Variants in NFASC observed in about 807,000 individuals in gnomAD.
NFASC encodes neurofascin homolog.
A neutral mutation model predicts 147.5 loss-of-function variants in NFASC; 43 were observed. That is an observed-to-expected ratio of 0.29 (90% CI 0.23 to 0.38). The LOEUF (loss-of-function observed/expected upper bound fraction) is 0.38. Among genes scored for constraint, NFASC ranks in the 10% least tolerant of loss-of-function variants. NFASC has a pLI of 1.00. For synonymous variants in NFASC, 622 were observed against 665.5 expected, an observed-to-expected ratio of 0.93 and a Z score of 1.01; for missense variants, 1,320 against 1,689.0, an observed-to-expected ratio of 0.78 and a Z score of 3.83.
rs759055711 is a variant in NFASC at position 205,016,682 on chromosome 1, CAGT to C, written c.*146_*148del. 1 of 711,278 alleles carries C rather than the reference CAGT, an allele frequency of 1.4e-6. No homozygotes were observed. Among genetic ancestry groups the C allele is most frequent in the South Asian group, 1.5e-5 (1 of 67,094 alleles). The allele number at this position is 711,278 out of a possible 1,614,324, so 44.1% of individuals were successfully genotyped here. On this transcript the variant is annotated 3_prime_UTR_variant, in exon 30 of 30. Coordinates refer to ENST00000339876, the MANE Select transcript of NFASC (RefSeq NM_001005388.3). The surrounding 1 kb of genome is among the most constrained non-coding windows in gnomAD (Gnocchi z 5.1). ...TGGGGGTCTGCCAAGCTGTGAGGAC[CAGT>C]AGCCACCAAGCCACCCACAAGCCCC...
In NFASC at chr1:204,970,638, A is replaced by T; in HGVS notation, c.1026A>T (p.Glu342Asp). ...CAGCTGCTCCCTACTGGCTGGACGAACCCAAGAACCTTATTCTGGCTCCTG... is the reference window on the plus strand; with the variant it reads ...CAGCTGCTCCCTACTGGCTGGACGATCCCAAGAACCTTATTCTGGCTCCTG... ...RVKAAPYWLD[E>D]PKNLILAPGE... The change falls in exon 11 of 30, where the codon GAA (glutamate) becomes GAT (aspartate). Residue 342 changes from glutamate to aspartate, a missense_variant. Physicochemically the swap from Glu to Asp is conservative, Grantham distance 45. Transcript: ENST00000339876. 6.2e-7 allele frequency: 1 copy of T among 1,614,024 alleles called. No homozygotes were observed. Among genetic ancestry groups the T allele is most frequent in the South Asian group, 1.1e-5 (1 of 91,066 alleles).
intron 3 of NFASC, among the ~76,000 whole-genome samples, chr1:204,945,576 C>T (rs1317968106): frequency 6.6e-6 from 1 of 152,260 alleles, no homozygotes; most frequent in East Asian, 1.9e-4. Context: ...AACTGTAAGT[C>T]AGACCCAGAG....
rs183087121 is a variant in NFASC, at chr1:204,832,490, G to T, written c.-200+3708G>T. 2.1e-3 allele frequency among the ~76,000 whole-genome samples: 317 copies of T among 152,256 alleles called. 1 individual carries two copies. Among genetic ancestry groups the T allele is most frequent in the African/African-American group, 7.4e-3 (306 of 41,530 alleles). On this transcript the variant is annotated intron_variant, in intron 1 of 29. Coordinates refer to ENST00000339876, the MANE Select transcript of NFASC (RefSeq NM_001005388.3). ...AGAGTCAGGTGGGAGTCATTGATGG[G>T]GAGGGCAAGTTGTTGGTAAGCAGGA...
Position 204,973,337 on chromosome 1 carries a change from G to T in NFASC, c.1197G>T (p.Gln399His). 6.2e-7 allele frequency: 1 copy of T among 1,614,250 alleles called. No homozygotes were observed. The highest frequency in any genetic ancestry group is 1.1e-5 in the South Asian group (1 of 91,084). ...ACACCATCATCTTCCGGGACACCCAGATCAGCAGCAGGGCTGTGTACCAGT... is the reference window on the plus strand; with the variant it reads ...ACACCATCATCTTCCGGGACACCCATATCAGCAGCAGGGCTGTGTACCAGT... ...AGDTIIFRDT[Q>H]ISSRAVYQCN... Residue 399 changes from glutamine (Q) to histidine (H), a missense_variant, in exon 12 of 30, where the codon CAG becomes CAT. By Grantham distance (24) the Gln-to-His change is conservative. Transcript: ENST00000339876.
At chr1:204,978,894 G>A in intron 17 of NFASC, 74 bp from the exon 18 acceptor site, 1 of 1,215,676 alleles carries the variant, frequency 8.2e-7, no homozygotes, top group Non-Finnish European at 1.2e-6. Context: ...TCAGGGAGCT[G>A]TCCAGGGCTA....
chr1:204,961,971 G>GT, intron 8 of NFASC: 2 of 655,686 alleles, frequency 3.1e-6, no homozygotes. Flanking sequence ...CAAATATGCC[G>GT]TGTCTTTCCT....
At chr1:204,870,839 G>T in intron 1 of NFASC, 1 of 1,183,312 alleles carries the variant, frequency 8.5e-7, no homozygotes, top group East Asian at 6.0e-5. Flanking sequence ...GTGACAAGGA[G>T]CAGGGAAGCC....
chr1:204,977,395 C>T (rs1183170525), intron 16 of NFASC, among the ~76,000 whole-genome samples: 3 of 152,234 alleles, frequency 2.0e-5, no homozygotes, highest in Non-Finnish European at 4.4e-5. Context: ...CCTACTGCCA[C>T]TAGCATTGGC....
chr1:204,883,792 C>T (rs2080780361), intron 1 of NFASC, among the ~76,000 whole-genome samples: 1 of 152,184 alleles, frequency 6.6e-6, no homozygotes, highest in South Asian at 2.1e-4. Flanking sequence ...GCCATAGAAC[C>T]ACAGGCCTGA....
Position 204,918,951 on chromosome 1 carries a change from A to G in NFASC, c.-199-1681A>G, listed in dbSNP as rs371376518. On this transcript the variant is annotated intron_variant, in intron 1 of 29. Coordinates refer to ENST00000339876, the MANE Select transcript of NFASC (RefSeq NM_001005388.3). Reference sequence around the variant, plus strand: ...TATTTACATAGTCCAAAGCAAATCCATGTAACAAGGTCTGTTCAAAGTCCA... The same window carrying G: ...TATTTACATAGTCCAAAGCAAATCCGTGTAACAAGGTCTGTTCAAAGTCCA... Among the ~76,000 whole-genome samples, 19 of 152,254 alleles carry G rather than the reference A, an allele frequency of 1.2e-4. No individual in the cohort carries two copies. The East Asian group carries it at 2.7e-3, about 22-fold the overall frequency.
At position 204,987,487 on chromosome 1, in the gene NFASC, A is replaced by C; in HGVS notation, c.2540A>C (p.His847Pro). ...NLETINLEWD[H>P]PEHPNGIMIG... ...GAGACAATCAACCTGGAATGGGATC[A>C]TCCTGAGCATCCAAATGGGATCATG... The change falls in exon 22 of 30, where the codon CAT becomes CCT. Residue 847 changes from histidine (H) to proline (P), a missense_variant. This residue lies in a region of NFASC where 981 missense variants were observed against 1,289.5 expected (regional missense o/e 0.76). Coordinates refer to ENST00000339876, the MANE Select transcript of NFASC (RefSeq NM_001005388.3). This position sits in a 1 kb window ranked among gnomAD's most constrained non-coding sequence, Gnocchi z 4.4. 1 of 1,614,078 alleles carries C rather than the reference A, an allele frequency of 6.2e-7. No individual in the cohort carries two copies. Among genetic ancestry groups the C allele is most frequent in the South Asian group, 1.1e-5 (1 of 91,072 alleles).
At chr1:204,901,813 G>T (rs1286507551) in intron 1 of NFASC, among the ~76,000 whole-genome samples, 1 of 152,002 alleles carries the variant, frequency 6.6e-6, no homozygotes. Flanking sequence ...GAGGATTGCT[G>T]GAGCATTGCC....
At chr1:204,962,023 C>A in intron 8 of NFASC, 2 of 1,063,404 alleles carry the variant, frequency 1.9e-6, no homozygotes, top group Non-Finnish European at 2.9e-6. Flanking sequence ...GTTTTTCTGG[C>A]TTTGCATTTG....
intron 10 of NFASC, among the ~76,000 whole-genome samples, chr1:204,970,319 A>C (rs907453577): frequency 1.1e-4 from 17 of 151,836 alleles, no homozygotes; most frequent in Non-Finnish European, 2.1e-4. Flanking sequence ...AGTAGGTCTG[A>C]GATAGGCCCT....
chr1:204,949,202 T>C (rs929293403), intron 3 of NFASC, among the ~76,000 whole-genome samples: 2 of 152,254 alleles, frequency 1.3e-5, no homozygotes, highest in African/African-American at 2.4e-5. Flanking sequence ...ATGCATAGCA[T>C]GTACGGCAGG....
At chr1:204,870,960 C>T in intron 1 of NFASC, 1 of 1,278,220 alleles carries the variant, frequency 7.8e-7, no homozygotes, top group African/African-American at 1.5e-5. Flanking sequence ...AGTCTGCCAG[C>T]TGGGATGGCC....
intron 1 of NFASC, among the ~76,000 whole-genome samples, chr1:204,910,497 C>G (rs2087103705): frequency 7.6e-6 from 1 of 132,260 alleles, no homozygotes; most frequent in Non-Finnish European, 1.7e-5. Flanking sequence ...GGCAGGAATG[C>G]AGTGGCACCT....
At chr1:204,882,810 CT>C (rs2080530578) in intron 1 of NFASC, among the ~76,000 whole-genome samples, 1 of 152,130 alleles carries the variant, frequency 6.6e-6, no homozygotes, top group Admixed American at 6.5e-5. Context: ...CAAAACTTCT[CT>C]TTTGCAATTC....
intron 1 of NFASC, among the ~76,000 whole-genome samples, chr1:204,843,679 CCTTCCTTT>C (rs1676145486): frequency 7.3e-6 from 1 of 137,614 alleles, no homozygotes; most frequent in African/African-American, 2.7e-5. Flanking sequence ...TCCCTTCCTC[CCTTCCTTT>C]CTCCCTTTCT....
Sources: gnomAD v4.1 joint callset for allele counts (sites outside exome capture counted in the v4.1 genomes callset) on GRCh38, gnomAD v4.1.1 for gene constraint, gnomAD v4.1.1 regional missense constraint, Gnocchi (gnomAD v3.1) non-coding constraint, MANE v1.5 for transcripts, NCBI Gene and HGNC (gene_info 2026-07-23, HGNC 2026-07-21) for gene names.